Variants in RHOBTB1 observed in about 807,000 individuals in gnomAD.
RHOBTB1 encodes the protein rho-related BTB domain-containing protein 1.
RHOBTB1 carries 40 observed loss-of-function variants against 71.6 expected under a neutral mutation model. That is an observed-to-expected ratio of 0.56 (90% CI 0.43 to 0.73). The LOEUF is 0.73. Ranked by LOEUF, RHOBTB1 falls within the 30% of genes least tolerant of loss-of-function variation. The pLI is 0.00. For missense variants in RHOBTB1, 797 were observed against 894.0 expected, an observed-to-expected ratio of 0.89 and a Z score of 1.38; for synonymous variants, 319 against 334.9, an observed-to-expected ratio of 0.95 and a Z score of 0.52.
At chr10:60,986,413 A>ATAT (rs1376190099) in intron 1 of RHOBTB1, among the ~76,000 whole-genome samples, 6 of 143,198 alleles carry the variant, frequency 4.2e-5, no homozygotes, top group Admixed American at 1.4e-4. Flanking sequence ...AGATATATAT[A>ATAT]TATATATATA....
At chr10:61,001,043 A>AGTGTGT (rs146849672) in intron 1 of RHOBTB1, among the ~76,000 whole-genome samples, 5,191 of 149,494 alleles carry the variant, frequency 0.035, 91 homozygotes, top group Middle Eastern at 0.11. Flanking sequence ...CGCCTCCGCC[A>AGTGTGT]GTGTGTGTGT....
chr10:60,892,452 T>C (rs2081969379), intron 5 of RHOBTB1, among the ~76,000 whole-genome samples: 1 of 152,228 alleles, frequency 6.6e-6, no homozygotes, highest in Non-Finnish European at 1.5e-5. Flanking sequence ...CTCTAAGTGT[T>C]AACTAATTTT....
chr10:60,926,335 AT>A (rs979925058), intron 2 of RHOBTB1, among the ~76,000 whole-genome samples: 24 of 152,352 alleles, frequency 1.6e-4, no homozygotes, highest in Admixed American at 5.2e-4. Flanking sequence ...TACTCAAGCT[AT>A]TTCAAAAAAT....
chr10:60,913,632 G>A (rs1219031811), intron 2 of RHOBTB1, among the ~76,000 whole-genome samples: 1 of 152,156 alleles, frequency 6.6e-6, no homozygotes, highest in Non-Finnish European at 1.5e-5. Flanking sequence ...CTTGGTGGGG[G>A]GTTGAGGAGG....
At chr10:60,925,644 G>A (rs1033284395) in intron 2 of RHOBTB1, among the ~76,000 whole-genome samples, 1 of 151,902 alleles carries the variant, frequency 6.6e-6, no homozygotes, top group South Asian at 2.1e-4. Context: ...TTTTTGACAA[G>A]ATAAGTAAAA....
upstream of RHOBTB1, among the ~76,000 whole-genome samples, chr10:60,948,838 G>A (rs2085319960): frequency 6.6e-6 from 1 of 152,202 alleles, no homozygotes; most frequent in Admixed American, 6.5e-5. Flanking sequence ...AGAGGCTGGT[G>A]ACATATTTAT....
At chr10:60,992,017 A>G (rs1416522998) in intron 1 of RHOBTB1, among the ~76,000 whole-genome samples, 1 of 152,200 alleles carries the variant, frequency 6.6e-6, no homozygotes, top group African/African-American at 2.4e-5. Flanking sequence ...ATCAATAAAG[A>G]CAACTTTTTT....
In RHOBTB1 at chr10:60,943,898, G is replaced by C. The variant is rs1157727871; in HGVS notation, c.-62+73C>G. 2.6e-5 allele frequency: 4 copies of C among 152,276 alleles called. No individual in the cohort carries two copies. In the South Asian group the frequency reaches 8.3e-4, roughly 32 times the overall value. The allele number at this position is 152,276 out of a possible 1,614,324, so 9.4% of individuals were successfully genotyped here. On this transcript the variant is annotated intron_variant, in intron 1 of 10. Transcript: ENST00000337910. ...CCCCCACTTGCCACCCGCTGGGGCCGGGGCGGTGGGGGCTCCGCAGCGGCT... is the reference window on the plus strand; with the variant it reads ...CCCCCACTTGCCACCCGCTGGGGCCCGGGCGGTGGGGGCTCCGCAGCGGCT...
chr10:60,878,521 A>T (rs1056155483), intron 7 of RHOBTB1, among the ~76,000 whole-genome samples: 1 of 152,242 alleles, frequency 6.6e-6, no homozygotes, highest in Non-Finnish European at 1.5e-5. Flanking sequence ...CACAGTGACC[A>T]GCTTGATTTC....
At chr10:60,968,993 A>C (rs2086064568) in intron 2 of RHOBTB1, among the ~76,000 whole-genome samples, 1 of 152,130 alleles carries the variant, frequency 6.6e-6, no homozygotes, top group Non-Finnish European at 1.5e-5. Context: ...ATTTTTTAAA[A>C]ATCAGGTATT....
At chr10:60,973,279 A>T (rs1472782991) in intron 2 of RHOBTB1, among the ~76,000 whole-genome samples, 1 of 152,120 alleles carries the variant, frequency 6.6e-6, no homozygotes, top group African/African-American at 2.4e-5. Context: ...AGAAAATGAG[A>T]TGTTACAAGC....
Position 60,976,073 on chromosome 10 carries a change from T to G in RHOBTB1, c.-62+9772A>C, listed in dbSNP as rs1471988634. The stretch of plus-strand genomic sequence containing the variant: ...TCAGGGGAAAATGATATATCCAATT[T>G]AGAAGCTGCAATATGGGTCAAATAA... On this transcript the variant is annotated intron_variant, in intron 2 of 11. Transcript: ENST00000357917. Among the ~76,000 whole-genome samples, 5 of 152,128 alleles carry G rather than the reference T, an allele frequency of 3.3e-5. No homozygotes were observed. In the East Asian group the frequency reaches 9.6e-4, roughly 29 times the overall value.
chr10:60,995,970 C>G (rs887292504), intron 1 of RHOBTB1, among the ~76,000 whole-genome samples: 1 of 152,186 alleles, frequency 6.6e-6, no homozygotes, highest in Non-Finnish European at 1.5e-5. Flanking sequence ...GTATCACACA[C>G]TGTGCTAAGC....
At chr10:60,906,909 C>T (rs76149888) in intron 4 of RHOBTB1, among the ~76,000 whole-genome samples, 2,479 of 152,330 alleles carry the variant, frequency 0.016, 31 homozygotes, top group African/African-American at 0.037. Context: ...TCGTAGCTCC[C>T]GTGATTCTCA....
chr10:60,984,461 T>C (rs979589183), intron 2 of RHOBTB1, among the ~76,000 whole-genome samples: 1 of 152,348 alleles, frequency 6.6e-6, no homozygotes, highest in Non-Finnish European at 1.5e-5. Context: ...TACATGAACA[T>C]ATTTGAATCT....
chr10:60,865,091 G>A (rs529532925), downstream of RHOBTB1, among the ~76,000 whole-genome samples: 1 of 152,304 alleles, frequency 6.6e-6, no homozygotes, highest in East Asian at 1.9e-4. Flanking sequence ...GAGGGGCTGA[G>A]AGAGAAAACA....
intron 2 of RHOBTB1, among the ~76,000 whole-genome samples, chr10:60,917,898 A>G (rs2133617905): frequency 6.6e-6 from 1 of 152,124 alleles, no homozygotes; most frequent in East Asian, 1.9e-4. Context: ...CTAACCCTCC[A>G]CCTCATAAAC....
chr10:60,880,514 C>T (rs972552557), intron 7 of RHOBTB1, among the ~76,000 whole-genome samples: 5 of 152,146 alleles, frequency 3.3e-5, no homozygotes, highest in Non-Finnish European at 5.9e-5. Context: ...TTATCCCCCA[C>T]TTTCAGACAT....
At chr10:60,985,523 T>C (rs1259151637) in intron 2 of RHOBTB1, among the ~76,000 whole-genome samples, 1 of 152,214 alleles carries the variant, frequency 6.6e-6, no homozygotes. Context: ...GTCAATTTCC[T>C]GTACAAAATG....
Sources: allele counts gnomAD v4.1 joint callset (sites outside exome capture counted in the v4.1 genomes callset), GRCh38; gene constraint gnomAD v4.1.1; transcripts MANE v1.5; gene names NCBI Gene and HGNC (gene_info 2026-07-23, HGNC 2026-07-21).